Variants in DIP2C observed in about 807,000 individuals in gnomAD.
DIP2C encodes disco-interacting protein 2 homolog C.
In DIP2C, 33 loss-of-function variants were observed where a neutral mutation model predicts 192.4. The observed-to-expected ratio is 0.17, with a 90% CI of 0.13 to 0.23. The LOEUF (loss-of-function observed/expected upper bound fraction) is 0.23, where lower values mean the gene tolerates loss of function less well. DIP2C is among the 10% of genes least tolerant of loss of function. The pLI is 1.00. For synonymous variants in DIP2C, 979 were observed against 864.1 expected, an observed-to-expected ratio of 1.13 and a Z score of -2.33; for missense variants, 1,537 against 2,110.1, an observed-to-expected ratio of 0.73 and a Z score of 5.32.
chr10:581,644 A>ACC (rs1172351554), intron 1 of DIP2C, among the ~76,000 whole-genome samples: 8 of 152,208 alleles, frequency 5.3e-5, no homozygotes, highest in Non-Finnish European at 1.0e-4. Flanking sequence ...GATGGAACCC[A>ACC]CCACCACGAG....
intron 26 of DIP2C, among the ~76,000 whole-genome samples, chr10:348,068 G>A (rs1354200563): frequency 6.6e-6 from 1 of 151,924 alleles, no homozygotes; most frequent in African/African-American, 2.4e-5. Context: ...CAGACGCGTC[G>A]CCACACTTTC....
At chr10:410,876 G>C (rs1352765312) in intron 8 of DIP2C, among the ~76,000 whole-genome samples, 1 of 152,214 alleles carries the variant, frequency 6.6e-6, no homozygotes, top group African/African-American at 2.4e-5. Flanking sequence ...TTAAGCTGCT[G>C]ATATAAAGAT....
intron 32 of DIP2C, among the ~76,000 whole-genome samples, chr10:299,484 A>G (rs561295620): frequency 7.2e-5 from 11 of 152,350 alleles, no homozygotes; most frequent in Non-Finnish European, 1.3e-4. Flanking sequence ...GCCTTTAAAA[A>G]ATATTTAAAA....
intron 1 of DIP2C, among the ~76,000 whole-genome samples, chr10:604,915 G>A (rs1852355815): frequency 6.6e-6 from 1 of 152,186 alleles, no homozygotes; most frequent in Admixed American, 6.5e-5. Context: ...AAGTGGCTAT[G>A]GTGCTTCCCA....
chr10:413,775 C>A (rs771623123), intron 8 of DIP2C, 138 bp downstream of exon 8: 10 of 1,084,994 alleles, frequency 9.2e-6, no homozygotes, highest in Middle Eastern at 3.2e-4. Context: ...AGTGGCTGCG[C>A]GAGGGCGTGG....
chr10:550,718 T>TCC (rs1313084583), intron 1 of DIP2C, among the ~76,000 whole-genome samples: 4 of 152,036 alleles, frequency 2.6e-5, no homozygotes, highest in Non-Finnish European at 4.4e-5. Flanking sequence ...CTAGCCCCTC[T>TCC]CCCCCTACGA....
chr10:682,993 T>G, intron 1 of DIP2C, among the ~76,000 whole-genome samples: 1 of 152,216 alleles, frequency 6.6e-6, no homozygotes, highest in Non-Finnish European at 1.5e-5. Context: ...TTCCCCATTT[T>G]CATACCTACT....
intron 2 of DIP2C, among the ~76,000 whole-genome samples, chr10:472,919 A>C (rs1970746298): frequency 6.6e-6 from 1 of 152,240 alleles, no homozygotes; most frequent in South Asian, 2.1e-4. Flanking sequence ...ATACAGAATG[A>C]GCTGTATAAG....
rs1426786726 is a variant in DIP2C, at chr10:382,669, C to A, written c.1969G>T (p.Ala657Ser). Residue 657 changes from alanine (A) to serine (S), a missense_variant, in exon 17 of 37, where the codon GCC becomes TCC. Physicochemically the swap from Ala to Ser is moderately conservative, Grantham distance 99. Coordinates refer to ENST00000280886, the MANE Select transcript of DIP2C (RefSeq NM_014974.3). Reference protein sequence around the residue: ...VICPCASSPEALTVAIRRPTD... With the variant: ...VICPCASSPESLTVAIRRPTD... ...TACCTCCGGATGGCCACAGTGAGGG[C>A]CTCTGGCGAGCTGGCACAAGGACAG... 6.2e-7 allele frequency: 1 copy of A among 1,613,820 alleles called. No homozygotes were observed. The highest frequency in any genetic ancestry group is 8.5e-7 in the Non-Finnish European group (1 of 1,179,884).
chr10:641,322 G>A lies in DIP2C; in HGVS notation c.85+48172C>T, dbSNP rs538934219. The stretch of plus-strand genomic sequence containing the variant: ...GCATCCAGGCAGGTCTTGTGACCTC[G>A]GCTGGGTCACCAACCTATTCCTGCA... On this transcript the variant is annotated intron_variant, in intron 1 of 36. Coordinates refer to ENST00000280886, the MANE Select transcript of DIP2C (RefSeq NM_014974.3). 3.3e-5 allele frequency among the ~76,000 whole-genome samples: 5 copies of A among 152,214 alleles called. No homozygotes were observed. In the South Asian group the frequency reaches 6.2e-4, roughly 19 times the overall value.
At chr10:455,258 C>T (rs560996661) in intron 3 of DIP2C, among the ~76,000 whole-genome samples, 2 of 152,242 alleles carry the variant, frequency 1.3e-5, no homozygotes, top group South Asian at 2.1e-4. Context: ...TGAGTCCCTG[C>T]CTGAGGAGTG....
chr10:364,308 T>C (rs752593212), intron 20 of DIP2C, 66 bp downstream of exon 20: 138 of 1,553,886 alleles, frequency 8.9e-5, no homozygotes, highest in Non-Finnish European at 1.1e-4. Context: ...CTTTCAACCC[T>C]TCAAAACCAC....
intron 1 of DIP2C, among the ~76,000 whole-genome samples, chr10:645,321 C>T (rs11253292): frequency 0.03 from 4,523 of 152,236 alleles, 117 homozygotes; most frequent in East Asian, 0.14. Flanking sequence ...AAGTGGCACA[C>T]GGCTGCAGGG....
intron 1 of DIP2C, among the ~76,000 whole-genome samples, chr10:510,438 G>T (rs922816341): frequency 6.6e-6 from 1 of 152,210 alleles, no homozygotes; most frequent in Non-Finnish European, 1.5e-5. Flanking sequence ...ATGCTCAGCT[G>T]CAGGTGCACT....
In DIP2C at chr10:584,886, C is replaced by T. The variant is rs1248596451; in HGVS notation, c.86-98356G>A. 2.3e-5 allele frequency among the ~76,000 whole-genome samples: 3 copies of T among 129,870 alleles called. 1 individual carries two copies. The highest frequency in any genetic ancestry group is 4.9e-4 in the East Asian group (2 of 4,072). 85.2% of individuals were successfully genotyped at this position (129,870 alleles called of 152,430 possible). On this transcript the variant is annotated intron_variant, in intron 1 of 36. Coordinates refer to ENST00000280886, the MANE Select transcript of DIP2C (RefSeq NM_014974.3). ...GCCCACAACCTGACCCCCACTCATG[C>T]GCATCACCTCTCAATCTCAGGGCCC...
intron 36 of DIP2C, among the ~76,000 whole-genome samples, chr10:277,949 G>T (rs1045669303): frequency 6.6e-6 from 1 of 152,216 alleles, no homozygotes; most frequent in Non-Finnish European, 1.5e-5. Context: ...TGTGCCATCA[G>T]CCTCGTACCC....
At chr10:407,763 G>T (rs117112479) in intron 9 of DIP2C, among the ~76,000 whole-genome samples, 1 of 152,222 alleles carries the variant, frequency 6.6e-6, no homozygotes, top group East Asian at 1.9e-4. Context: ...CCATTTAAAC[G>T]TTTTTGTTGT....
intron 17 of DIP2C, chr10:369,891 C>CT: frequency 1.5e-6 from 2 of 1,367,466 alleles, no homozygotes; most frequent in East Asian, 5.8e-5. Context: ...CGCAGCTCCT[C>CT]TCCTGCCCCC....
chr10:491,963 CT>C (rs1384996826), intron 1 of DIP2C, among the ~76,000 whole-genome samples: 1 of 151,898 alleles, frequency 6.6e-6, no homozygotes, highest in East Asian at 1.9e-4. Flanking sequence ...AAAACAGGGG[CT>C]AGGAGGAATC....
Sources: gnomAD v4.1 joint callset for allele counts (sites outside exome capture counted in the v4.1 genomes callset) on GRCh38, gnomAD v4.1.1 for gene constraint, MANE v1.5 for transcripts, NCBI Gene and HGNC (gene_info 2026-07-23, HGNC 2026-07-21) for gene names.